The following SLC7A14 variants were observed in gnomAD, a reference collection of about 807,000 sequenced individuals.
SLC7A14 encodes gamma-aminobutyric acid transporter SLC7A14.
Under a neutral mutation model 60.2 loss-of-function variants are expected in SLC7A14, and 37 were observed. That is an observed-to-expected ratio of 0.61 (90% CI 0.47 to 0.81). SLC7A14 has a LOEUF of 0.81. Ranked by LOEUF, SLC7A14 falls within the 30% of genes least tolerant of loss-of-function variation. The pLI is 0.00. For synonymous variants in SLC7A14, 399 were observed against 395.8 expected (o/e 1.01, Z -0.10); for missense variants, 886 against 982.7 (o/e 0.90, Z 1.32).
At chr3:170,514,802 G>A (rs1713099025) in intron 2 of SLC7A14, among the ~76,000 whole-genome samples, 1 of 152,144 alleles carries the variant, frequency 6.6e-6, no homozygotes, top group Non-Finnish European at 1.5e-5. Context: ...GTTGGAAACT[G>A]GCCAATACTC....
At chr3:170,518,365 A>T (rs1249791867) in intron 2 of SLC7A14, among the ~76,000 whole-genome samples, 1 of 152,148 alleles carries the variant, frequency 6.6e-6, no homozygotes, top group Admixed American at 6.5e-5. Flanking sequence ...TTTCTCTATT[A>T]TATGTCTTTT....
At chr3:170,474,824 A>G (rs1471072817) in intron 7 of SLC7A14, among the ~76,000 whole-genome samples, 1 of 152,248 alleles carries the variant, frequency 6.6e-6, no homozygotes, top group Admixed American at 6.5e-5. Flanking sequence ...AAATCTACAG[A>G]CAAGAATTTG....
intron 1 of SLC7A14, among the ~76,000 whole-genome samples, chr3:170,549,297 C>T (rs1053715067): frequency 5.3e-5 from 8 of 150,868 alleles, no homozygotes; most frequent in South Asian, 2.1e-4. Context: ...TCACTGCAAC[C>T]GCTGCCTCCC....
intron 7 of SLC7A14, 104 bp from the exon 8 acceptor site, chr3:170,467,481 G>T: frequency 1.5e-6 from 1 of 648,288 alleles, no homozygotes; most frequent in Non-Finnish European, 2.3e-6. Flanking sequence ...TGGCGGGGTG[G>T]GGGGCGGTGG....
At chr3:170,569,222 G>T (rs991889145) in intron 1 of SLC7A14, among the ~76,000 whole-genome samples, 37 of 152,064 alleles carry the variant, frequency 2.4e-4, no homozygotes, top group Admixed American at 3.9e-4. Flanking sequence ...TAGCATGAAG[G>T]GTTGTTGAAT....
chr3:170,509,254 C>A (rs1712888496), intron 2 of SLC7A14, among the ~76,000 whole-genome samples: 1 of 152,208 alleles, frequency 6.6e-6, no homozygotes, highest in African/African-American at 2.4e-5. Flanking sequence ...TATGATTTCT[C>A]TGCCCAAGCA....
At position 170,554,776 on chromosome 3, in the gene SLC7A14, A is replaced by G. The variant is rs578190215; in HGVS notation, c.-152-27688T>C. On this transcript the variant is annotated intron_variant, in intron 1 of 7. Coordinates refer to ENST00000231706, the MANE Select transcript of SLC7A14 (RefSeq NM_020949.3). ...AGAATGAAGTTTATATCCTTAGGTTATTTGCCCTCATCTATTTTTCCTTAC... is the reference window on the plus strand; with the variant it reads ...AGAATGAAGTTTATATCCTTAGGTTGTTTGCCCTCATCTATTTTTCCTTAC... Among the ~76,000 whole-genome samples, 17 of 152,318 alleles carry G rather than the reference A, an allele frequency of 1.1e-4. 1 individual carries two copies. Among genetic ancestry groups the G allele is most frequent in the African/African-American group, 4.1e-4 (17 of 41,566 alleles).
chr3:170,518,205 C>T (rs1394167687), intron 2 of SLC7A14, among the ~76,000 whole-genome samples: 1 of 152,160 alleles, frequency 6.6e-6, no homozygotes, highest in Non-Finnish European at 1.5e-5. Flanking sequence ...AAAGCGCCTT[C>T]CATGGTGTGC....
chr3:170,460,645 T>C lies in SLC7A14; in HGVS notation c.*6410A>G, dbSNP rs1399155532. 6.6e-6 allele frequency: 1 copy of C among 151,962 alleles called. No individual in the cohort carries two copies. The highest frequency in any genetic ancestry group is 1.5e-5 in the Non-Finnish European group (1 of 67,998). The allele number at this position is 151,962 out of a possible 1,614,324, so 9.4% of individuals were successfully genotyped here. A position where few individuals can be genotyped will look rare whatever the true frequency, so the allele number is the denominator to read the frequency against. Reference sequence around the variant, plus strand: ...AATTCACATGACTCACAATTCCCTTTAGCCAATGTTACCGAAGTCAGTGTC... The same window carrying C: ...AATTCACATGACTCACAATTCCCTTCAGCCAATGTTACCGAAGTCAGTGTC... On this transcript the variant is annotated 3_prime_UTR_variant, in exon 8 of 8. Coordinates refer to ENST00000231706, the MANE Select transcript of SLC7A14 (RefSeq NM_020949.3).
intron 2 of SLC7A14, among the ~76,000 whole-genome samples, chr3:170,510,832 AG>A (rs1219947514): frequency 1.1e-4 from 17 of 152,220 alleles, no homozygotes; most frequent in Non-Finnish European, 2.2e-4. Flanking sequence ...GGAAGGAAAA[AG>A]TCACTACAAA....
intron 1 of SLC7A14, among the ~76,000 whole-genome samples, chr3:170,544,845 C>T (rs1282773204): frequency 6.6e-6 from 1 of 152,200 alleles, no homozygotes; most frequent in Non-Finnish European, 1.5e-5. Flanking sequence ...AAAAGTGACA[C>T]AGCTGCTGTC....
Position 170,585,362 on chromosome 3 carries a change from A to T in SLC7A14, c.-153+549T>A, listed in dbSNP as rs1323234291. ...TGGTCGGGGTGCTGGGCTCGGCGGGAGTCCCTTTGAGGAGTTTGCTCCCAG... is the reference window on the plus strand; with the variant it reads ...TGGTCGGGGTGCTGGGCTCGGCGGGTGTCCCTTTGAGGAGTTTGCTCCCAG... On this transcript the variant is annotated intron_variant, in intron 1 of 7. Transcript: ENST00000231706. This position sits in a 1 kb window ranked among gnomAD's most constrained non-coding sequence, Gnocchi z 5.1. Among the ~76,000 whole-genome samples the T allele has an allele frequency of 1.3e-5, 2 of 152,004 alleles. No homozygotes were observed. Among genetic ancestry groups the T allele is most frequent in the African/African-American group, 4.8e-5 (2 of 41,388 alleles).
At chr3:170,570,927 T>G (rs906615346) in intron 1 of SLC7A14, among the ~76,000 whole-genome samples, 2 of 152,200 alleles carry the variant, frequency 1.3e-5, no homozygotes, top group African/African-American at 4.8e-5. Flanking sequence ...GGGCTTTTAG[T>G]GCACCCATCA....
At chr3:170,523,764 A>T (rs1446095580) in intron 2 of SLC7A14, among the ~76,000 whole-genome samples, 3 of 152,152 alleles carry the variant, frequency 2.0e-5, no homozygotes, top group African/African-American at 7.2e-5. Context: ...TTATTGTTGT[A>T]TGGAGAAGCA....
intron 1 of SLC7A14, among the ~76,000 whole-genome samples, chr3:170,577,343 G>A (rs1007547295): frequency 6.6e-6 from 1 of 152,178 alleles, no homozygotes; most frequent in African/African-American, 2.4e-5. Context: ...AGGAGGCCGG[G>A]CGCGGTGGCT....
intron 4 of SLC7A14, among the ~76,000 whole-genome samples, chr3:170,492,111 C>T (rs189265344): frequency 2.0e-5 from 3 of 152,214 alleles, no homozygotes; most frequent in East Asian, 3.9e-4. Flanking sequence ...CCACTGAAAC[C>T]GTTTTCTACG....
chr3:170,567,254 C>T (rs938820459), intron 1 of SLC7A14, among the ~76,000 whole-genome samples: 9 of 149,248 alleles, frequency 6.0e-5, no homozygotes, highest in East Asian at 2.0e-4. Context: ...TGAGAATATG[C>T]GGTGTTTTGT....
At chr3:170,578,048 G>C (rs1462734690) in intron 1 of SLC7A14, among the ~76,000 whole-genome samples, 1 of 152,216 alleles carries the variant, frequency 6.6e-6, no homozygotes, top group Admixed American at 6.5e-5. Flanking sequence ...GTTACACTGA[G>C]TCAAAAACCT....
chr3:170,564,627 A>G (rs1257488058), intron 1 of SLC7A14, among the ~76,000 whole-genome samples: 1 of 152,254 alleles, frequency 6.6e-6, no homozygotes. Context: ...AGTCTGTGTT[A>G]CAGTCCTTGC....
Sources: allele counts gnomAD v4.1 joint callset (sites outside exome capture counted in the v4.1 genomes callset), GRCh38; gene constraint gnomAD v4.1.1; non-coding constraint Gnocchi (gnomAD v3.1); transcripts MANE v1.5; gene names NCBI Gene and HGNC (gene_info 2026-07-23, HGNC 2026-07-21).